The following PCDH15 variants were observed in gnomAD, a reference collection of about 807,000 sequenced individuals.
PCDH15 encodes the protein protocadherin related 15, also known as protocadherin-15.
A neutral mutation model predicts 178.5 loss-of-function variants in PCDH15; 129 were observed. That is an observed-to-expected ratio of 0.72 (90% CI 0.63 to 0.84). The LOEUF (loss-of-function observed/expected upper bound fraction) is 0.84. Ranked by LOEUF, PCDH15 falls within the 40% of genes least tolerant of loss-of-function variation. The pLI is 0.00. For synonymous variants in PCDH15, 800 were observed against 732.0 expected (o/e 1.09, Z -1.50); for missense variants, 2,230 against 2,099.9 (o/e 1.06, Z -1.21).
chr10:54,794,366 A>G (rs1002719452), intron 1 of PCDH15, among the ~76,000 whole-genome samples: 3 of 151,594 alleles, frequency 2.0e-5, no homozygotes, highest in African/African-American at 7.3e-5. Flanking sequence ...TTCTATCCTT[A>G]GCCCTAATTT....
chr10:54,534,810 A>G (rs2132811829), intron 2 of PCDH15, among the ~76,000 whole-genome samples: 1 of 152,312 alleles, frequency 6.6e-6, no homozygotes, highest in South Asian at 2.1e-4. Flanking sequence ...GATCTTTGGT[A>G]TATTCATTTT....
Position 55,044,323 on chromosome 10 carries a change from C to T in PCDH15, c.-80+122253G>A, listed in dbSNP as rs1042571216. On this transcript the variant is annotated intron_variant, in intron 2 of 5. Coordinates refer to the PCDH15 transcript ENST00000458638. ...TATGCAGTTATGTCACAAAAGTAAA[C>T]ATAACTTTCAATTTGTTTCTCTTCT... is the stretch of plus-strand genomic sequence containing the variant. Among the ~76,000 whole-genome samples the T allele has an allele frequency of 2.0e-5, 3 of 152,058 alleles. 1 individual carries two copies. Among genetic ancestry groups the T allele is most frequent in the African/African-American group, 7.2e-5 (3 of 41,420 alleles).
At chr10:54,310,057 C>G (rs796948443) in intron 8 of PCDH15, among the ~76,000 whole-genome samples, 3 of 152,054 alleles carry the variant, frequency 2.0e-5, no homozygotes, top group African/African-American at 7.2e-5. Context: ...ACATATGAAA[C>G]AGAGAGAAAG....
At chr10:55,463,195 T>A (rs1839717578) in intron 2 of PCDH15, among the ~76,000 whole-genome samples, 1 of 152,054 alleles carries the variant, frequency 6.6e-6, no homozygotes, top group Admixed American at 6.5e-5. Context: ...TGAATGGGAT[T>A]ATTGCAATTT....
At chr10:55,341,331 TATA>T (rs1844550222) in intron 2 of PCDH15, among the ~76,000 whole-genome samples, 1 of 152,036 alleles carries the variant, frequency 6.6e-6, no homozygotes. Context: ...AGTCTTTACC[TATA>T]ATATTTTTGA....
intron 8 of PCDH15, among the ~76,000 whole-genome samples, chr10:54,284,662 C>T (rs1055370296): frequency 9.9e-5 from 15 of 152,272 alleles, no homozygotes; most frequent in African/African-American, 3.4e-4. Context: ...GCTGGCTTTT[C>T]TGTCCTTACA....
chr10:53,861,270 CT>C (rs2079091601), intron 27 of PCDH15, among the ~76,000 whole-genome samples: 1 of 152,062 alleles, frequency 6.6e-6, no homozygotes, highest in Admixed American at 6.6e-5. Context: ...TAATAATTCT[CT>C]GTGAAATTAT....
At chr10:54,220,871 A>C (rs887592079) in intron 9 of PCDH15, among the ~76,000 whole-genome samples, 3 of 148,674 alleles carry the variant, frequency 2.0e-5, no homozygotes, top group Non-Finnish European at 2.9e-5. Flanking sequence ...TAAATAAATA[A>C]GTAAAATAAA....
chr10:55,232,804 C>T (rs544571270), intron 1 of PCDH15, among the ~76,000 whole-genome samples: 1 of 152,182 alleles, frequency 6.6e-6, no homozygotes, highest in African/African-American at 2.4e-5. Context: ...CTCAAGGAAA[C>T]GGATCCTGCC....
chr10:53,854,083 A>G (rs557490261), intron 28 of PCDH15, among the ~76,000 whole-genome samples: 1 of 152,150 alleles, frequency 6.6e-6, no homozygotes, highest in South Asian at 2.1e-4. Context: ...CTATAAAGGA[A>G]TGAAATTCTA....
At chr10:53,920,384 A>G (rs1014313952) in intron 25 of PCDH15, among the ~76,000 whole-genome samples, 2 of 152,202 alleles carry the variant, frequency 1.3e-5, no homozygotes, top group African/African-American at 4.8e-5. Context: ...AAAAGTGCAT[A>G]TAAGTGTATG....
chr10:55,509,976 A>G (rs541628801), intron 2 of PCDH15, among the ~76,000 whole-genome samples: 1 of 152,076 alleles, frequency 6.6e-6, no homozygotes, highest in East Asian at 1.9e-4. Context: ...TTAATAGTGA[A>G]GGCAGGATTA....
At chr10:55,506,699 G>A (rs2132146246) in intron 2 of PCDH15, among the ~76,000 whole-genome samples, 1 of 151,608 alleles carries the variant, frequency 6.6e-6, no homozygotes. Context: ...TTATAGAAGT[G>A]TATATGGCAA....
chr10:54,736,247 C>A (rs371350575), intron 1 of PCDH15, among the ~76,000 whole-genome samples: 1 of 151,928 alleles, frequency 6.6e-6, no homozygotes, highest in Admixed American at 6.6e-5. Flanking sequence ...GCTGTAATTC[C>A]CATTTTAGTA....
intron 7 of PCDH15, 98 bp downstream of exon 7, chr10:54,329,498 G>T: frequency 1.2e-6 from 1 of 857,614 alleles, no homozygotes; most frequent in Non-Finnish European, 2.0e-6. Flanking sequence ...ATGAAGAAGT[G>T]AGTGGCACAG....
chr10:54,389,198 A>G (rs10825317), intron 3 of PCDH15, among the ~76,000 whole-genome samples: 130,109 of 152,124 alleles, frequency 0.86, 55,875 homozygotes, highest in East Asian at 0.99. Flanking sequence ...CAAGGAAGCC[A>G]GATGCCCTTT....
At chr10:54,450,130 A>T (rs1207200556) in intron 3 of PCDH15, among the ~76,000 whole-genome samples, 2 of 137,240 alleles carry the variant, frequency 1.5e-5, no homozygotes, top group Non-Finnish European at 3.1e-5. Flanking sequence ...CTTTTTTATA[A>T]ATATATATAT....
intron 18 of PCDH15, among the ~76,000 whole-genome samples, chr10:54,062,936 T>C (rs536419702): frequency 6.6e-6 from 1 of 152,332 alleles, no homozygotes; most frequent in South Asian, 2.1e-4. Flanking sequence ...ATAATTTCAA[T>C]GCTTGTTTGT....
chr10:54,007,402 T>G (rs1333031726), intron 20 of PCDH15, among the ~76,000 whole-genome samples: 1 of 152,092 alleles, frequency 6.6e-6, no homozygotes, highest in African/African-American at 2.4e-5. Context: ...TCTAATTTAC[T>G]ATCATCACAG....
Sources: gnomAD v4.1 joint callset for allele counts (sites outside exome capture counted in the v4.1 genomes callset) on GRCh38, gnomAD v4.1.1 for gene constraint, MANE v1.5 for transcripts, NCBI Gene and HGNC (gene_info 2026-07-23, HGNC 2026-07-21) for gene names.